The following PTPRT variants were observed in gnomAD, a reference collection of about 807,000 sequenced individuals.
The protein encoded by PTPRT is receptor-type tyrosine-protein phosphatase T.
A neutral mutation model predicts 176.8 loss-of-function variants in PTPRT; 56 were observed. The observed-to-expected ratio is 0.32, with a 90% CI of 0.26 to 0.40. The LOEUF (loss-of-function observed/expected upper bound fraction) is 0.40. Ranked by LOEUF, PTPRT falls within the 10% of genes least tolerant of loss-of-function variation. The pLI is 1.00. For synonymous variants in PTPRT, 783 were observed against 739.0 expected, an observed-to-expected ratio of 1.06 and a Z score of -0.96; for missense variants, 1,540 against 1,908.2, an observed-to-expected ratio of 0.81 and a Z score of 3.60.
intron 1 of PTPRT, among the ~76,000 whole-genome samples, chr20:43,058,929 C>T (rs1987347788): frequency 6.6e-6 from 1 of 152,194 alleles, no homozygotes; most frequent in African/African-American, 2.4e-5. Context: ...TGGAGACCAC[C>T]TCGGGTGACC....
At chr20:42,803,170 T>C (rs2077555270) in intron 2 of PTPRT, among the ~76,000 whole-genome samples, 1 of 152,228 alleles carries the variant, frequency 6.6e-6, no homozygotes, top group South Asian at 2.1e-4. Flanking sequence ...AACATCTCCA[T>C]GCTGTTGACA....
intron 1 of PTPRT, among the ~76,000 whole-genome samples, chr20:42,931,010 AC>A (rs1351034076): frequency 3.3e-5 from 5 of 151,060 alleles, no homozygotes; most frequent in African/African-American, 1.2e-4. Flanking sequence ...TCCTCCCTCA[AC>A]CCCCTCCCCA....
rs1568774088 is a variant in PTPRT at position 43,083,345 on chromosome 20, T to TATATATATATAC, written c.88+106300_88+106301insGTATATATATAT. Among the ~76,000 whole-genome samples the TATATATATATAC allele has an allele frequency of 7.7e-4, 90 of 117,364 alleles. 5 individuals are homozygous for TATATATATATAC. The East Asian group carries it at 0.016, about 20-fold the overall frequency. 77.0% of individuals were successfully genotyped at this position (117,364 alleles called of 152,430 possible). A position where few individuals can be genotyped will look rare whatever the true frequency, so the allele number is the denominator to read the frequency against. On this transcript the variant is annotated intron_variant, in intron 1 of 30. Transcript: ENST00000373187. Reference sequence around the variant, plus strand: ...GTATATATATATATATATATATATATATATATATATATATATATATATATA... The same window carrying TATATATATATAC: ...GTATATATATATATATATATATATATATATATATATACATATATATATATATATATATATATA...
intron 6 of PTPRT, among the ~76,000 whole-genome samples, chr20:42,748,734 C>G (rs1314342013): frequency 6.6e-6 from 1 of 152,124 alleles, no homozygotes; most frequent in Non-Finnish European, 1.5e-5. Flanking sequence ...TCCTGTATGA[C>G]AAGACAGTAA....
intron 16 of PTPRT, among the ~76,000 whole-genome samples, chr20:42,193,194 G>A (rs77709639): frequency 0.015 from 2,228 of 152,288 alleles, 48 homozygotes; most frequent in African/African-American, 0.052. Flanking sequence ...AAATGAATTC[G>A]ATAATAATCA....
chr20:42,280,664 G>C (rs1218564072), intron 13 of PTPRT, among the ~76,000 whole-genome samples: 2 of 152,164 alleles, frequency 1.3e-5, no homozygotes, highest in African/African-American at 4.8e-5. Flanking sequence ...ATGCTAAGGA[G>C]AGGTAGAGAA....
intron 6 of PTPRT, among the ~76,000 whole-genome samples, chr20:42,743,466 G>C (rs2076642601): frequency 6.6e-6 from 1 of 152,236 alleles, no homozygotes; most frequent in Admixed American, 6.5e-5. Context: ...GGAACCTTGT[G>C]ATTCTGCAGA....
At chr20:42,852,486 T>C (rs2078492115) in intron 2 of PTPRT, among the ~76,000 whole-genome samples, 1 of 152,174 alleles carries the variant, frequency 6.6e-6, no homozygotes, top group South Asian at 2.1e-4. Context: ...TCGTATCTGG[T>C]CCCTAAAACC....
chr20:42,035,601 TC>T, the PTPRT span, among the ~76,000 whole-genome samples: 1 of 152,060 alleles, frequency 6.6e-6, no homozygotes. Flanking sequence ...ACAGCCCCCA[TC>T]CCACAATCCC....
At chr20:42,882,450 G>C (rs2079024453) in intron 2 of PTPRT, among the ~76,000 whole-genome samples, 1 of 152,186 alleles carries the variant, frequency 6.6e-6, no homozygotes, top group Non-Finnish European at 1.5e-5. Flanking sequence ...TGGGGAGAGA[G>C]AGTAGCATGA....
At chr20:42,524,368 T>G (rs2072231456) in intron 7 of PTPRT, among the ~76,000 whole-genome samples, 1 of 152,192 alleles carries the variant, frequency 6.6e-6, no homozygotes, top group Non-Finnish European at 1.5e-5. Flanking sequence ...AGGTTTTGTT[T>G]ATTACAATAC....
At chr20:42,061,058 G>A in the PTPRT span, among the ~76,000 whole-genome samples, 2 of 152,146 alleles carry the variant, frequency 1.3e-5, no homozygotes, top group African/African-American at 2.4e-5. Flanking sequence ...TTGTAAGAAG[G>A]ATTAAATTAG....
chr20:42,268,036 C>T (rs900189598), intron 13 of PTPRT, among the ~76,000 whole-genome samples: 1 of 152,152 alleles, frequency 6.6e-6, no homozygotes, highest in Admixed American at 6.5e-5. Flanking sequence ...CCAGCCTGTC[C>T]CTGCTACATA....
intron 2 of PTPRT, among the ~76,000 whole-genome samples, chr20:42,844,348 C>T (rs1367711185): frequency 6.6e-6 from 1 of 152,172 alleles, no homozygotes; most frequent in Non-Finnish European, 1.5e-5. Context: ...AATGAGAACT[C>T]CTATAAACTC....
At chr20:42,802,706 G>A (rs1372689084) in intron 2 of PTPRT, among the ~76,000 whole-genome samples, 1 of 152,132 alleles carries the variant, frequency 6.6e-6, no homozygotes, top group East Asian at 1.9e-4. Context: ...CAGATAACTT[G>A]TCCAACATTA....
intron 1 of PTPRT, among the ~76,000 whole-genome samples, chr20:43,011,291 G>A (rs1029231135): frequency 2.6e-5 from 4 of 152,038 alleles, no homozygotes; most frequent in African/African-American, 9.7e-5. Flanking sequence ...CCTGTCTCCT[G>A]AATATGAATG....
At chr20:43,105,636 G>A (rs895097143) in intron 1 of PTPRT, among the ~76,000 whole-genome samples, 7 of 152,152 alleles carry the variant, frequency 4.6e-5, no homozygotes, top group Non-Finnish European at 8.8e-5. Context: ...CTGAGCTCAG[G>A]TAATCCACAC....
chr20:43,065,148 T>A (rs1987636063), intron 1 of PTPRT, among the ~76,000 whole-genome samples: 8 of 152,218 alleles, frequency 5.3e-5, no homozygotes, highest in Admixed American at 4.6e-4. Flanking sequence ...GGTGCACTCA[T>A]CAGCACAGGA....
intron 6 of PTPRT, among the ~76,000 whole-genome samples, chr20:42,698,670 T>C (rs2075923557): frequency 6.6e-6 from 1 of 152,156 alleles, no homozygotes; most frequent in Admixed American, 6.5e-5. Flanking sequence ...TTGTCTCCAA[T>C]ATGCAGCCAA....
Sources: gnomAD v4.1 joint callset for allele counts (sites outside exome capture counted in the v4.1 genomes callset) on GRCh38, gnomAD v4.1.1 for gene constraint, MANE v1.5 for transcripts, NCBI Gene and HGNC (gene_info 2026-07-23, HGNC 2026-07-21) for gene names.